Variants in CACNA2D3 observed in about 807,000 individuals in gnomAD.
The protein encoded by CACNA2D3 is voltage-dependent calcium channel subunit alpha-2/delta-3.
A neutral mutation model predicts 160.6 loss-of-function variants in CACNA2D3; 60 were observed. That is an observed-to-expected ratio of 0.37 (90% CI 0.30 to 0.46). The LOEUF (loss-of-function observed/expected upper bound fraction) is 0.46. CACNA2D3 is among the 20% of genes least tolerant of loss of function. The pLI, the probability that CACNA2D3 is intolerant of heterozygous loss-of-function variation, is 1.00. For synonymous variants in CACNA2D3, 558 were observed against 492.9 expected (o/e 1.13, Z -1.75); for missense variants, 1,205 against 1,365.0 (o/e 0.88, Z 1.85).
At chr3:54,529,152 G>A (rs1701768304) in intron 5 of CACNA2D3, among the ~76,000 whole-genome samples, 2 of 152,230 alleles carry the variant, frequency 1.3e-5, no homozygotes, top group African/African-American at 2.4e-5. Context: ...ATACCATGAT[G>A]TGTCACCTGC....
chr3:54,809,326 T>TCTTCCCCTCCCTCCCTTCCTTTGTTCCTC (rs1559590283), intron 13 of CACNA2D3, among the ~76,000 whole-genome samples: 4 of 120,144 alleles, frequency 3.3e-5, no homozygotes, highest in African/African-American at 1.1e-4. Context: ...TTTTTTTTTT[T>TCTTCCCCTCCCTCCCTTCCTTTGTTCCTC]TTTGAGACGG....
intron 11 of CACNA2D3, among the ~76,000 whole-genome samples, chr3:54,718,086 T>C (rs966047731): frequency 4.6e-5 from 7 of 152,348 alleles, no homozygotes; most frequent in East Asian, 3.9e-4. Context: ...TCTCATGATA[T>C]ACTTTTTTTA....
At chr3:54,869,344 A>G (rs1160428402) in intron 17 of CACNA2D3, among the ~76,000 whole-genome samples, 1 of 152,234 alleles carries the variant, frequency 6.6e-6, no homozygotes, top group Non-Finnish European at 1.5e-5. Context: ...ATTATGGGCA[A>G]TAAATTGACC....
At chr3:54,492,769 G>C (rs1031242354) in intron 4 of CACNA2D3, among the ~76,000 whole-genome samples, 3 of 152,092 alleles carry the variant, frequency 2.0e-5, no homozygotes, top group African/African-American at 7.2e-5. Context: ...AGCTCTCCCT[G>C]TATTTCCCAA....
intron 29 of CACNA2D3, among the ~76,000 whole-genome samples, chr3:54,979,807 T>C (rs1844930): frequency 1.3e-5 from 2 of 152,028 alleles, no homozygotes; most frequent in African/African-American, 4.8e-5. Context: ...CAGAGTTCTA[T>C]AGTTGATTAT....
intron 5 of CACNA2D3, 95 bp downstream of exon 5, chr3:54,503,749 T>A (rs1305189803): frequency 8.6e-7 from 1 of 1,163,302 alleles, no homozygotes; most frequent in African/African-American, 1.5e-5. Context: ...TTGGTTTGTT[T>A]CATTTTTTTT....
chr3:54,358,432 C>T (rs1253151680), intron 3 of CACNA2D3, among the ~76,000 whole-genome samples: 1 of 152,246 alleles, frequency 6.6e-6, no homozygotes, highest in East Asian at 1.9e-4. Flanking sequence ...TTGGCATTAA[C>T]ATTCAGCATT....
intron 11 of CACNA2D3, among the ~76,000 whole-genome samples, chr3:54,718,634 T>G (rs1701108608): frequency 6.6e-6 from 1 of 152,114 alleles, no homozygotes; most frequent in African/African-American, 2.4e-5. Context: ...ATTTTGATTC[T>G]TCAAAATTGT....
chr3:55,052,659 A>T (rs1216934367), intron 35 of CACNA2D3, among the ~76,000 whole-genome samples: 1 of 151,756 alleles, frequency 6.6e-6, no homozygotes, highest in Non-Finnish European at 1.5e-5. Flanking sequence ...CATTTATTTG[A>T]GGTTTGGTCA....
At chr3:54,726,117 A>G (rs926297931) in intron 11 of CACNA2D3, among the ~76,000 whole-genome samples, 1 of 152,182 alleles carries the variant, frequency 6.6e-6, no homozygotes, top group African/African-American at 2.4e-5. Flanking sequence ...TACACCAATA[A>G]TAGACAAACA....
chr3:54,995,409 G>A lies in CACNA2D3; in HGVS notation c.2690+7656G>A, dbSNP rs556725208. ...GTCTTTTTTCATCTCTTATGGTAAG[G>A]AAGTCTAAAAATACTAATTTGGGAC... is the stretch of plus-strand genomic sequence containing the variant. On this transcript the variant is annotated intron_variant, in intron 31 of 37. Coordinates refer to ENST00000474759, the MANE Select transcript of CACNA2D3 (RefSeq NM_018398.3). Among the ~76,000 whole-genome samples, 21 of 152,222 alleles carry A rather than the reference G, an allele frequency of 1.4e-4. No individual in the cohort carries two copies. The South Asian group carries it at 4.1e-3, about 30-fold the overall frequency.
chr3:54,506,633 T>C (rs538028717), intron 5 of CACNA2D3, among the ~76,000 whole-genome samples: 2 of 152,244 alleles, frequency 1.3e-5, no homozygotes, highest in South Asian at 4.1e-4. Context: ...GCTGTGCCCA[T>C]GGGAACTCAA....
chr3:54,385,603 G>T (rs749326400), intron 3 of CACNA2D3, among the ~76,000 whole-genome samples: 1 of 152,142 alleles, frequency 6.6e-6, no homozygotes, highest in South Asian at 2.1e-4. Flanking sequence ...GTCCTGTGGC[G>T]AAAGTGGGCT....
intron 26 of CACNA2D3, among the ~76,000 whole-genome samples, chr3:54,898,714 C>A (rs962008981): frequency 6.6e-6 from 1 of 152,214 alleles, no homozygotes; most frequent in Admixed American, 6.5e-5. Flanking sequence ...ATCGAGTTAA[C>A]TAAAGCTGTT....
chr3:54,923,293 T>A (rs1700906345), intron 27 of CACNA2D3, among the ~76,000 whole-genome samples: 1 of 152,174 alleles, frequency 6.6e-6, no homozygotes, highest in Non-Finnish European at 1.5e-5. Flanking sequence ...TCCTCTGCAC[T>A]GGCCACTGTC....
intron 13 of CACNA2D3, among the ~76,000 whole-genome samples, chr3:54,786,228 G>C (rs1458240229): frequency 6.6e-6 from 1 of 152,052 alleles, no homozygotes; most frequent in Non-Finnish European, 1.5e-5. Context: ...CTAGAGTAAC[G>C]GTCACTAAAA....
chr3:54,570,813 G>T (rs1185269762), intron 8 of CACNA2D3, among the ~76,000 whole-genome samples: 1 of 152,094 alleles, frequency 6.6e-6, no homozygotes, highest in East Asian at 1.9e-4. Flanking sequence ...CAGTCATGTA[G>T]CCTGGAAATG....
At chr3:54,526,965 A>G (rs1701732758) in intron 5 of CACNA2D3, among the ~76,000 whole-genome samples, 1 of 152,204 alleles carries the variant, frequency 6.6e-6, no homozygotes. Context: ...TGCTGGGATT[A>G]CAGGTGTGAG....
chr3:55,006,601 A>T (rs1703100078), intron 32 of CACNA2D3, among the ~76,000 whole-genome samples: 2 of 152,216 alleles, frequency 1.3e-5, no homozygotes, highest in Non-Finnish European at 2.9e-5. Context: ...GGCCCAGAAC[A>T]CTGTGATTCA....
Sources: allele counts gnomAD v4.1 joint callset (sites outside exome capture counted in the v4.1 genomes callset), GRCh38; gene constraint gnomAD v4.1.1; transcripts MANE v1.5; gene names NCBI Gene and HGNC (gene_info 2026-07-23, HGNC 2026-07-21).